The following TEX11 variants were observed in gnomAD, a reference collection of about 807,000 sequenced individuals.
The protein encoded by TEX11 is testis expressed 11.
Under a neutral mutation model 84.4 loss-of-function variants are expected in TEX11, and 7 were observed. The ratio of observed to expected loss-of-function variants is 0.08; its 90% CI spans 0.05 to 0.16. The LOEUF is 0.16. Ranked by LOEUF, TEX11 falls within the 10% of genes least tolerant of loss-of-function variation. TEX11 has a pLI of 1.00. For synonymous variants in TEX11, 264 were observed against 222.8 expected (o/e 1.18, Z -1.64); for missense variants, 551 against 660.5 (o/e 0.83, Z 1.82).
At chrX:70,559,382 G>A (rs1428920201) in intron 25 of TEX11, among the ~76,000 whole-genome samples, 1 of 112,324 alleles carries the variant, frequency 8.9e-6, no homozygotes. Context: ...GAAACAGAAA[G>A]TAGATTAGTG....
At chrX:70,902,487 C>A (rs893800601) in intron 2 of TEX11, among the ~76,000 whole-genome samples, 28 of 111,431 alleles carry the variant, frequency 2.5e-4, no homozygotes, top group Non-Finnish European at 4.5e-4. Flanking sequence ...AATAAATTTA[C>A]CTTAGCTTAC....
chrX:70,558,625 G>T (rs1373805688), intron 25 of TEX11, among the ~76,000 whole-genome samples: 1 of 111,756 alleles, frequency 8.9e-6, no homozygotes, highest in Non-Finnish European at 1.9e-5. Context: ...TCAAGAAAGA[G>T]AAAAGACAAT....
chrX:70,700,660 T>C (rs939217763), intron 13 of TEX11, among the ~76,000 whole-genome samples: 1 of 111,434 alleles, frequency 9.0e-6, no homozygotes, highest in Non-Finnish European at 1.9e-5. Flanking sequence ...AATATTCACA[T>C]ATCTCTCATT....
chrX:70,826,990 A>T (rs1337864545), intron 8 of TEX11, among the ~76,000 whole-genome samples: 3 of 111,238 alleles, frequency 2.7e-5, no homozygotes, highest in Admixed American at 9.6e-5. Context: ...TAAAGCTCGT[A>T]GCAATGAAAG....
At chrX:70,728,249 C>T (rs894203221) in intron 11 of TEX11, among the ~76,000 whole-genome samples, 21 of 112,165 alleles carry the variant, frequency 1.9e-4, no homozygotes, top group East Asian at 1.1e-3. Context: ...ACACAGAAGA[C>T]AGGTGATTTC....
chrX:70,521,163 C>T, the TEX11 span, among the ~76,000 whole-genome samples: 1 of 111,484 alleles, frequency 9.0e-6, no homozygotes, highest in Non-Finnish European at 1.9e-5. Context: ...CCAACCAGTC[C>T]CAATGAGATG....
At chrX:70,594,014 C>G (rs986739431) in intron 24 of TEX11, among the ~76,000 whole-genome samples, 3 of 111,375 alleles carry the variant, frequency 2.7e-5, no homozygotes, top group African/African-American at 9.8e-5. Flanking sequence ...AATCTACACA[C>G]TCAAGAAGCC....
At chrX:70,741,685 T>C (rs781288349) in intron 10 of TEX11, among the ~76,000 whole-genome samples, 1 of 111,298 alleles carries the variant, frequency 9.0e-6, no homozygotes, top group East Asian at 2.8e-4. Context: ...TCCATTTTAA[T>C]CAAGCTTGTA....
intron 20 of TEX11, among the ~76,000 whole-genome samples, chrX:70,622,430 A>C (rs1330681778): frequency 8.9e-6 from 1 of 111,994 alleles, no homozygotes; most frequent in African/African-American, 3.2e-5. Context: ...AATTGGTTTT[A>C]ATGTGTGTGG....
chrX:70,905,283 C>T (rs964890400), intron 2 of TEX11, among the ~76,000 whole-genome samples: 1 of 111,113 alleles, frequency 9.0e-6, no homozygotes, highest in Admixed American at 9.6e-5. Flanking sequence ...CGAGATCGTG[C>T]CACTACACTC....
At chrX:70,879,742 G>C (rs992998555) in intron 3 of TEX11, among the ~76,000 whole-genome samples, 1 of 110,590 alleles carries the variant, frequency 9.0e-6, no homozygotes, top group Non-Finnish European at 1.9e-5. Context: ...GCCTGGGGAG[G>C]TTAATAAATA....
intron 8 of TEX11, among the ~76,000 whole-genome samples, chrX:70,823,722 T>C (rs923690263): frequency 3.6e-5 from 4 of 111,127 alleles, no homozygotes; most frequent in Non-Finnish European, 5.7e-5. Flanking sequence ...AAATAGTGTT[T>C]TAGACCGGGT....
Position 70,610,520 on chromosome X carries a change from A to C in TEX11, c.1775T>G (p.Leu592Trp). ...ATATTTACCTCTATTCAGGCAAGTC[A>C]AAAGTCGATCCATTTCTTTCTTCCT... ...EDKKKEMDRL[L>W]TCLNRAFVKL... Residue 592 changes from leucine (L) to tryptophan (W), a missense_variant, in exon 21 of 30, where the codon TTG (leucine) becomes TGG (tryptophan). By Grantham distance (61) the Leu-to-Trp change is moderately conservative. Transcript: ENST00000374333. 1 of 1,208,151 alleles carries C rather than the reference A, an allele frequency of 8.3e-7. No homozygotes were observed. The highest frequency in any genetic ancestry group is 1.8e-5 in the South Asian group (1 of 56,169).
chrX:70,796,892 C>G (rs1038195032), intron 9 of TEX11, among the ~76,000 whole-genome samples: 1 of 111,920 alleles, frequency 8.9e-6, no homozygotes, highest in East Asian at 2.8e-4. Context: ...CAGAGAAATG[C>G]AAATCAAAAC....
At chrX:70,521,021 G>A in the TEX11 span, among the ~76,000 whole-genome samples, 10 of 111,736 alleles carry the variant, frequency 8.9e-5, no homozygotes, top group Non-Finnish European at 1.9e-4. Context: ...GGAGTGTCCC[G>A]ATTTTCCAGT....
In TEX11 at chrX:70,609,129, T is replaced by C; in HGVS notation, c.1841A>G (p.Glu614Gly). 1 of 1,207,438 alleles carries C rather than the reference T, an allele frequency of 8.3e-7. No homozygotes were observed. The highest frequency in any genetic ancestry group is 1.1e-6 in the Non-Finnish European group (1 of 893,515). ...CCACTGAGCTTCATTAGCTCTTGAC[T>C]CCAAACTTAAGGCTTCTTCACCAAA... is the stretch of plus-strand genomic sequence containing the variant. ...QPFGEEALSL[E>G]SRANEAQWFR... The change falls in exon 22 of 30, where the codon GAG (glutamate) becomes GGG (glycine). Residue 614 changes from glutamate to glycine, a missense_variant. Physicochemically the swap from Glu to Gly is moderately conservative, Grantham distance 98. Coordinates refer to ENST00000374333, the MANE Select transcript of TEX11 (RefSeq NM_031276.3).
intron 16 of TEX11, among the ~76,000 whole-genome samples, chrX:70,666,306 G>T (rs1286644311): frequency 1.8e-5 from 2 of 111,771 alleles, no homozygotes; most frequent in African/African-American, 6.5e-5. Flanking sequence ...CTTTGAAAAG[G>T]GAATTTTAGG....
chrX:70,570,849 C>T (rs184411591), intron 25 of TEX11, among the ~76,000 whole-genome samples: 1 of 111,537 alleles, frequency 9.0e-6, no homozygotes, highest in Non-Finnish European at 1.9e-5. Context: ...TTCACAATAT[C>T]CTTTTTATTG....
intron 15 of TEX11, among the ~76,000 whole-genome samples, chrX:70,671,573 G>T (rs1603208943): frequency 9.1e-6 from 1 of 109,937 alleles, no homozygotes; most frequent in East Asian, 2.9e-4. Flanking sequence ...ATCAATAGAA[G>T]AATGGGAATT....
Sources: allele counts gnomAD v4.1 joint callset (sites outside exome capture counted in the v4.1 genomes callset), GRCh38; gene constraint gnomAD v4.1.1; transcripts MANE v1.5; gene names NCBI Gene and HGNC (gene_info 2026-07-23, HGNC 2026-07-21).